MYCBP2: variants seen among roughly 807,000 people sequenced by gnomAD.
MYCBP2 encodes the protein MYC binding protein 2.
MYCBP2 carries 120 observed loss-of-function variants against 525.3 expected under a neutral mutation model. The ratio of observed to expected loss-of-function variants is 0.23; its 90% CI spans 0.20 to 0.27. The LOEUF is 0.27. MYCBP2 is among the 10% of genes least tolerant of loss of function. The pLI is 1.00. For missense variants in MYCBP2, 4,149 were observed against 5,657.1 expected (o/e 0.73, Z 8.55); for synonymous variants, 1,894 against 1,955.8 (o/e 0.97, Z 0.83).
At position 77,099,008 on chromosome 13, in the gene MYCBP2, G is replaced by T; in HGVS notation, c.8146C>A (p.Arg2716=). The change falls in exon 56 of 83, where the codon CGA becomes AGA. Residue 2716 remains arginine (R), a synonymous_variant. Coordinates refer to ENST00000544440, the MANE Select transcript of MYCBP2 (RefSeq NM_015057.5). ...DYGLGNSKGD[R]GNISTSSKPA... The stretch of plus-strand genomic sequence containing the variant: ...TTAGAAGATGTTGAGATGTTTCCTC[G>T]ATCACCTGTATGGTCCATTTTACAG... 1 of 1,604,636 alleles carries T rather than the reference G, an allele frequency of 6.2e-7. No individual in the cohort carries two copies. The highest frequency in any genetic ancestry group is 8.5e-7 in the Non-Finnish European group (1 of 1,178,988).
At chr13:77,241,506 T>C (rs923851922) in intron 17 of MYCBP2, among the ~76,000 whole-genome samples, 2 of 152,016 alleles carry the variant, frequency 1.3e-5, no homozygotes, top group African/African-American at 4.8e-5. Context: ...TCTGAAAAAA[T>C]TATATCAACA....
intron 73 of MYCBP2, 75 bp from the exon 74 acceptor site, chr13:77,062,772 A>C (rs2039530679): frequency 8.9e-7 from 1 of 1,122,700 alleles, no homozygotes; most frequent in Non-Finnish European, 1.3e-6. Flanking sequence ...GACACATCAC[A>C]ACAGCTCAAT....
At chr13:77,300,992 G>A (rs939245785) in intron 1 of MYCBP2, among the ~76,000 whole-genome samples, 1 of 152,160 alleles carries the variant, frequency 6.6e-6, no homozygotes, top group South Asian at 2.1e-4. Context: ...CAAGAGACTA[G>A]TAGTGCTTTA....
chr13:77,055,523 G>A, intron 80 of MYCBP2, 35 bp downstream of exon 80: 1 of 1,560,876 alleles, frequency 6.4e-7, no homozygotes, highest in Non-Finnish European at 8.8e-7. Context: ...GTAAGCTCTA[G>A]TTTTTAAAAC....
In MYCBP2 at chr13:77,091,644, A is replaced by G. The variant is rs148015779; in HGVS notation, c.10368-1381T>C. Among the ~76,000 whole-genome samples the G allele has an allele frequency of 2.9e-3, 438 of 152,218 alleles. 5 individuals carry two copies. The highest frequency in any genetic ancestry group is 9.8e-3 in the African/African-American group (406 of 41,540). On this transcript the variant is annotated intron_variant, in intron 59 of 82. Transcript: ENST00000544440. ...CCCAGTTGTGACAAAGTTATTTCCA[A>G]ATATTTCCAGATGTCAACAGAGAGG...
chr13:77,309,876 G>C, intron 1 of MYCBP2, among the ~76,000 whole-genome samples: 1 of 152,302 alleles, frequency 6.6e-6, no homozygotes, highest in Admixed American at 6.5e-5. Flanking sequence ...TACTTTGGGA[G>C]GTCGAGGCGG....
At position 77,174,613 on chromosome 13, in the gene MYCBP2, A is replaced by C; in HGVS notation, c.5473-124T>G. On this transcript the variant is annotated intron_variant, in intron 36 of 82. Coordinates refer to ENST00000544440, the MANE Select transcript of MYCBP2 (RefSeq NM_015057.5). ...TGTCATATTTACAGATGATATAATT[A>C]AATAAGTTTTTAATGAATCAAACAC... The C allele has an allele frequency of 1.2e-5, 9 of 726,042 alleles. No homozygotes were observed. In the Admixed American group the frequency reaches 2.1e-4, roughly 17 times the overall value. The allele number at this position is 726,042 out of a possible 1,614,324, so 45.0% of individuals were successfully genotyped here.
chr13:77,261,405 G>C, intron 11 of MYCBP2, 30 bp from the exon 12 acceptor site: 1 of 1,471,816 alleles, frequency 6.8e-7, no homozygotes, highest in South Asian at 1.2e-5. Context: ...AAGGAATTAT[G>C]GTACTTTTTG....
At chr13:77,215,374 T>C (rs1417527492) in intron 21 of MYCBP2, among the ~76,000 whole-genome samples, 2 of 152,050 alleles carry the variant, frequency 1.3e-5, no homozygotes, top group Non-Finnish European at 2.9e-5. Flanking sequence ...AGAGCAAGAA[T>C]GACCTTTCAG....
chr13:77,207,512 G>C (rs2154277649), intron 23 of MYCBP2, among the ~76,000 whole-genome samples: 1 of 152,186 alleles, frequency 6.6e-6, no homozygotes, highest in Middle Eastern at 3.4e-3. Flanking sequence ...AGAAAAAAAA[G>C]TTCTGATGAT....
intron 31 of MYCBP2, among the ~76,000 whole-genome samples, chr13:77,185,607 A>G (rs1463078162): frequency 2.6e-5 from 4 of 152,204 alleles, no homozygotes; most frequent in African/African-American, 9.6e-5. Context: ...AAATATTTCT[A>G]TTTGACAGAA....
rs2154386574 is a variant in MYCBP2, at chr13:77,326,732, G to A, written c.44C>T (p.Ser15Leu). 2.1e-6 allele frequency: 3 copies of A among 1,410,130 alleles called. No individual in the cohort carries two copies. Among genetic ancestry groups the A allele is most frequent in the South Asian group, 3.0e-5 (2 of 65,984 alleles). The allele number at this position is 1,410,130 out of a possible 1,614,324, so 87.4% of individuals were successfully genotyped here. ...AATASPAAAS[S>L]GLGGDGFYPA... ...GTAGAATCCGTCCCCGCCGAGCCCC[G>A]AGGAGGCGGCGGCGGGGGAGGCAGT... The change falls in exon 1 of 83, where the codon TCG (serine) becomes TTG (leucine). Residue 15 changes from serine (S) to leucine (L), a missense_variant. Physicochemically the swap from Ser to Leu is moderately radical, Grantham distance 145. Around this residue, in one of 21 missense-constraint regions of MYCBP2, gnomAD observed 413 missense variants for 451.2 expected, o/e 0.92. Coordinates refer to ENST00000544440, the MANE Select transcript of MYCBP2 (RefSeq NM_015057.5). This position sits in a 1 kb window ranked among gnomAD's most constrained non-coding sequence, Gnocchi z 4.2.
At chr13:77,167,936 C>G (rs1170960818) in intron 40 of MYCBP2, among the ~76,000 whole-genome samples, 1 of 151,962 alleles carries the variant, frequency 6.6e-6, no homozygotes, top group Non-Finnish European at 1.5e-5. Context: ...TTGCATGATA[C>G]AATGAAAAAA....
chr13:77,198,457 G>A (rs201990039), intron 26 of MYCBP2, among the ~76,000 whole-genome samples: 1 of 152,184 alleles, frequency 6.6e-6, no homozygotes, highest in Non-Finnish European at 1.5e-5. Flanking sequence ...ATATTATTGA[G>A]AGAACTAAGA....
intron 74 of MYCBP2, among the ~76,000 whole-genome samples, chr13:77,062,138 T>C (rs1399160224): frequency 2.6e-5 from 4 of 152,116 alleles, no homozygotes; most frequent in East Asian, 3.9e-4. Context: ...AATAAGAAAA[T>C]GGTGAAAGGG....
intron 2 of MYCBP2, 137 bp from the exon 3 acceptor site, chr13:77,288,513 C>T: frequency 1.3e-6 from 1 of 751,562 alleles, no homozygotes; most frequent in Middle Eastern, 3.8e-4. Flanking sequence ...CAGTCTAAGT[C>T]TATGGACCCA....
intron 18 of MYCBP2, among the ~76,000 whole-genome samples, chr13:77,227,639 C>T (rs2066484855): frequency 6.6e-6 from 1 of 152,086 alleles, no homozygotes; most frequent in African/African-American, 2.4e-5. Context: ...ATAGAAAATA[C>T]ATTGTGTTCA....
At chr13:77,212,864 G>GA (rs1329397980) in intron 21 of MYCBP2, among the ~76,000 whole-genome samples, 1 of 152,090 alleles carries the variant, frequency 6.6e-6, no homozygotes. Context: ...AAGAATAAAA[G>GA]AATGCTGACA....
intron 23 of MYCBP2, 50 bp from the exon 24 acceptor site, chr13:77,206,875 A>T (rs779994929): frequency 2.8e-6 from 4 of 1,444,142 alleles, no homozygotes; most frequent in Non-Finnish European, 3.7e-6. Flanking sequence ...TTTGTTTTTA[A>T]AAAAAATTCC....
Sources: gnomAD v4.1 joint callset for allele counts (sites outside exome capture counted in the v4.1 genomes callset) on GRCh38, gnomAD v4.1.1 for gene constraint, gnomAD v4.1.1 regional missense constraint, Gnocchi (gnomAD v3.1) non-coding constraint, MANE v1.5 for transcripts, NCBI Gene and HGNC (gene_info 2026-07-23, HGNC 2026-07-21) for gene names.